RAD51B: variants seen among roughly 807,000 people sequenced by gnomAD.
The protein encoded by RAD51B is RAD51 paralog B.
In RAD51B, 38 loss-of-function variants were observed where a neutral mutation model predicts 42.2. That is an observed-to-expected ratio of 0.90 (90% CI 0.70 to 1.18). RAD51B has a LOEUF of 1.18. Among genes scored for constraint, RAD51B ranks in the 50% most tolerant of loss-of-function variants. The pLI is 0.00. For synonymous variants in RAD51B, 154 were observed against 145.2 expected, an observed-to-expected ratio of 1.06 and a Z score of -0.43; for missense variants, 373 against 400.7, an observed-to-expected ratio of 0.93 and a Z score of 0.59.
chr14:68,206,458 A>G (rs968851989), intron 7 of RAD51B, among the ~76,000 whole-genome samples: 1 of 152,170 alleles, frequency 6.6e-6, no homozygotes. Flanking sequence ...ATGATTTTCC[A>G]TCTTTGACAT....
intron 7 of RAD51B, among the ~76,000 whole-genome samples, chr14:67,927,960 A>AT (rs962687533): frequency 1.2e-4 from 18 of 151,174 alleles, no homozygotes; most frequent in African/African-American, 2.2e-4. Flanking sequence ...ATTGGTCTGT[A>AT]TTTTTTTTGT....
intron 7 of RAD51B, among the ~76,000 whole-genome samples, chr14:67,993,169 C>G (rs2075323811): frequency 6.6e-6 from 1 of 152,130 alleles, no homozygotes; most frequent in African/African-American, 2.4e-5. Flanking sequence ...GTAATAATCA[C>G]ATCAGGGTAA....
intron 7 of RAD51B, among the ~76,000 whole-genome samples, chr14:68,210,567 C>G (rs1392190496): frequency 6.6e-6 from 1 of 151,924 alleles, no homozygotes; most frequent in Non-Finnish European, 1.5e-5. Context: ...GTCTTGGTGG[C>G]CTTCAGTGAA....
chr14:68,394,653 AT>A (rs1380565777), intron 8 of RAD51B, among the ~76,000 whole-genome samples: 1 of 152,126 alleles, frequency 6.6e-6, no homozygotes, highest in Non-Finnish European at 1.5e-5. Context: ...CATTTGGAAT[AT>A]TTTCTTCATT....
chr14:68,022,417 A>AGAATG (rs2140352700), intron 7 of RAD51B, among the ~76,000 whole-genome samples: 1 of 152,282 alleles, frequency 6.6e-6, no homozygotes, highest in Non-Finnish European at 1.5e-5. Context: ...TCTTTTTGGT[A>AGAATG]GAATGATTTA....
chr14:68,468,655 T>C lies in RAD51B; in HGVS notation c.1036+405T>C, dbSNP rs1306480324. The C allele has an allele frequency of 4.8e-5, 16 of 331,728 alleles. No individual in the cohort carries two copies. The East Asian group carries it at 1.2e-3, about 24-fold the overall frequency. The allele number at this position is 331,728 out of a possible 1,614,324, so 20.5% of individuals were successfully genotyped here. On this transcript the variant is annotated intron_variant, in intron 10 of 10. Coordinates refer to ENST00000471583, the MANE Select transcript of RAD51B (RefSeq NM_133510.4). ...TTGCTTAACAAGCTAAAGAACCATCTGGGTTGGCAGCCTCTGGGGCACAAT... is the reference window on the plus strand; with the variant it reads ...TTGCTTAACAAGCTAAAGAACCATCCGGGTTGGCAGCCTCTGGGGCACAAT...
intron 10 of RAD51B, among the ~76,000 whole-genome samples, chr14:68,471,483 A>G (rs2086123750): frequency 6.6e-6 from 1 of 151,970 alleles, no homozygotes; most frequent in Non-Finnish European, 1.5e-5. Context: ...ACCGGTTCTC[A>G]AGGATTAGGA....
chr14:68,106,557 G>A (rs1281242281), intron 7 of RAD51B, among the ~76,000 whole-genome samples: 1 of 151,898 alleles, frequency 6.6e-6, no homozygotes, highest in East Asian at 1.9e-4. Flanking sequence ...TCACATTGGA[G>A]TTGTTAAAGT....
intron 11 of RAD51B, among the ~76,000 whole-genome samples, chr14:68,678,252 A>G (rs1595060308): frequency 6.6e-6 from 1 of 152,266 alleles, no homozygotes; most frequent in South Asian, 2.1e-4. Context: ...CTGTTTTTGC[A>G]GTGAACACCC....
chr14:68,144,022 T>A (rs1037715153), intron 7 of RAD51B, among the ~76,000 whole-genome samples: 1 of 152,198 alleles, frequency 6.6e-6, no homozygotes, highest in African/African-American at 2.4e-5. Flanking sequence ...TATCTTAGGT[T>A]CTTTGGCCAG....
In RAD51B at chr14:68,611,356, C is replaced by A. The variant is rs559644348; in HGVS notation, c.*109C>A. The A allele has an allele frequency of 1.4e-5, 9 of 652,290 alleles. No individual in the cohort carries two copies. In the African/African-American group the frequency reaches 1.6e-4, roughly 12 times the overall value. 40.4% of individuals were successfully genotyped at this position (652,290 alleles called of 1,614,324 possible). A position where few individuals can be genotyped will look rare whatever the true frequency, so the allele number is the denominator to read the frequency against. ...GAAGTTGCTTCCTTGTCCCTTTCAGCAAAGGATGTCATGGTTTTACAATGT... is the reference window on the plus strand; with the variant it reads ...GAAGTTGCTTCCTTGTCCCTTTCAGAAAAGGATGTCATGGTTTTACAATGT... On this transcript the variant is annotated 3_prime_UTR_variant, in exon 11 of 11. Transcript: ENST00000487861.
chr14:67,994,195 G>A (rs1461881840), intron 7 of RAD51B, among the ~76,000 whole-genome samples: 1 of 151,492 alleles, frequency 6.6e-6, no homozygotes. Context: ...ATATTGTTAA[G>A]GGGCCCAAAA....
intron 7 of RAD51B, among the ~76,000 whole-genome samples, chr14:68,057,422 A>G (rs1464607278): frequency 1.3e-5 from 2 of 152,148 alleles, no homozygotes; most frequent in African/African-American, 4.8e-5. Context: ...ATTAAAATAT[A>G]TCTATAATGA....
intron 7 of RAD51B, among the ~76,000 whole-genome samples, chr14:67,901,894 A>C (rs1490624043): frequency 6.6e-6 from 1 of 151,762 alleles, no homozygotes; most frequent in Non-Finnish European, 1.5e-5. Flanking sequence ...TAGACAGTGG[A>C]GACTGGGAAG....
intron 8 of RAD51B, among the ~76,000 whole-genome samples, chr14:68,351,909 G>A (rs1218518064): frequency 6.6e-6 from 1 of 152,232 alleles, no homozygotes; most frequent in South Asian, 2.1e-4. Flanking sequence ...ACCCCTGCCA[G>A]GAGGCAGATG....
intron 7 of RAD51B, among the ~76,000 whole-genome samples, chr14:67,901,414 G>T (rs2043609167): frequency 6.6e-6 from 1 of 152,156 alleles, no homozygotes; most frequent in African/African-American, 2.4e-5. Flanking sequence ...CTTCTCATTA[G>T]CTACAGGGAC....
chr14:67,860,502 T>C lies in RAD51B; in HGVS notation c.316-4501T>C, dbSNP rs531981561. Among the ~76,000 whole-genome samples the C allele has an allele frequency of 8.1e-4, 123 of 152,320 alleles. 1 individual carries two copies. Among genetic ancestry groups the C allele is most frequent in the African/African-American group, 2.9e-3 (121 of 41,574 alleles). ...TCAAGTTTATGAAATGGTAGACTTA[T>C]AATTTGCACATTTCATTGCATGTAG... On this transcript the variant is annotated intron_variant, in intron 4 of 10. Transcript: ENST00000471583.
chr14:68,156,751 T>C (rs1462196271), intron 7 of RAD51B, among the ~76,000 whole-genome samples: 1 of 152,204 alleles, frequency 6.6e-6, no homozygotes, highest in South Asian at 2.1e-4. Flanking sequence ...CCAATGCTAT[T>C]CTTGAAAGTT....
intron 10 of RAD51B, chr14:68,470,534 A>G (rs1024921587): frequency 2.0e-6 from 1 of 495,192 alleles, no homozygotes; most frequent in African/African-American, 1.9e-5. Context: ...TGGAAAATGA[A>G]AACATTAACC....
Sources: gnomAD v4.1 joint callset for allele counts (sites outside exome capture counted in the v4.1 genomes callset) on GRCh38, gnomAD v4.1.1 for gene constraint, MANE v1.5 for transcripts, NCBI Gene and HGNC (gene_info 2026-07-23, HGNC 2026-07-21) for gene names.